Variants in DAB1 observed in about 807,000 individuals in gnomAD.
DAB1 encodes disabled homolog 1.
A neutral mutation model predicts 64.6 loss-of-function variants in DAB1; 15 were observed. The ratio of observed to expected loss-of-function variants is 0.23; its 90% CI spans 0.16 to 0.36. DAB1 has a LOEUF of 0.36. Ranked by LOEUF, DAB1 falls within the 10% of genes least tolerant of loss-of-function variation. DAB1 has a pLI of 1.00. For missense variants in DAB1, 596 were observed against 706.7 expected (o/e 0.84, Z 1.78); for synonymous variants, 235 against 251.9 (o/e 0.93, Z 0.64).
chr1:57,615,053 G>A (rs917950043), intron 7 of DAB1, among the ~76,000 whole-genome samples: 10 of 151,444 alleles, frequency 6.6e-5, no homozygotes, highest in Non-Finnish European at 1.0e-4. Flanking sequence ...TGTATTTTTA[G>A]TAGAGACAGG....
intron 7 of DAB1, among the ~76,000 whole-genome samples, chr1:57,629,853 T>C (rs1316185461): frequency 6.6e-6 from 1 of 151,564 alleles, no homozygotes; most frequent in Admixed American, 6.6e-5. Flanking sequence ...GTTTTTTTTT[T>C]CCCCCTTAAA....
chr1:57,020,304 C>T (rs1646572051), intron 11 of DAB1, among the ~76,000 whole-genome samples: 1 of 152,218 alleles, frequency 6.6e-6, no homozygotes. Context: ...ATGTAGCAAA[C>T]ATCTGTTGAG....
At chr1:57,177,500 C>T (rs1333912435) in intron 2 of DAB1, among the ~76,000 whole-genome samples, 1 of 152,122 alleles carries the variant, frequency 6.6e-6, no homozygotes, top group East Asian at 1.9e-4. Context: ...AGGTAGTAGA[C>T]ATCCAGGCAC....
rs115938618 is a variant in DAB1 at position 57,572,285 on chromosome 1, G to T, written n.625+77307C>A. ...CCGCCCCACTACTGACTAGCTGTGG[G>T]ATCTTGAGCATGTCATTAACCATGG... On this transcript the variant is annotated intron_variant and non_coding_transcript_variant, in intron 7 of 20. Transcript: ENST00000485760. Among the ~76,000 whole-genome samples, 988 of 152,260 alleles carry T rather than the reference G, an allele frequency of 6.5e-3. 14 individuals carry two copies. The highest frequency in any genetic ancestry group is 0.023 in the African/African-American group (948 of 41,550).
intron 6 of DAB1, among the ~76,000 whole-genome samples, chr1:57,673,946 C>T (rs946339778): frequency 6.6e-6 from 1 of 152,096 alleles, no homozygotes; most frequent in African/African-American, 2.4e-5. Flanking sequence ...AAATAGAAAC[C>T]TGCATGGAGA....
chr1:57,257,672 G>A (rs567681865), intron 2 of DAB1, among the ~76,000 whole-genome samples: 32 of 152,124 alleles, frequency 2.1e-4, no homozygotes, highest in Non-Finnish European at 4.0e-4. Context: ...TCAAGGTTTT[G>A]GAGGCCAGGA....
At chr1:57,830,090 G>C (rs1397896752) in intron 1 of DAB1, among the ~76,000 whole-genome samples, 1 of 152,170 alleles carries the variant, frequency 6.6e-6, no homozygotes, top group East Asian at 1.9e-4. Context: ...TGAGGAAACT[G>C]AGGCTAGGGA....
Position 57,291,345 on chromosome 1 carries a change from A to T in DAB1, c.-136-179T>A, listed in dbSNP as rs595568. 0.4 allele frequency among the ~76,000 whole-genome samples: 60,370 copies of T among 152,100 alleles called. 12,444 individuals carry two copies. Among genetic ancestry groups the T allele is most frequent in the Admixed American group, 0.56 (8,564 of 15,266 alleles). On this transcript the variant is annotated intron_variant, in intron 1 of 14. Transcript: ENST00000371236. The stretch of plus-strand genomic sequence containing the variant: ...ATACAGCAAAGGGAATGAGAGGCTT[A>T]GCGGCAAAACTGCTTCTCAAACTAG...
chr1:58,340,284 G>C (rs1211992347), intron 4 of DAB1, among the ~76,000 whole-genome samples: 2 of 152,132 alleles, frequency 1.3e-5, no homozygotes, highest in African/African-American at 4.8e-5. Flanking sequence ...AGGTGCTAAA[G>C]ACATCTGTCC....
At chr1:57,083,805 T>C (rs1486320437) in intron 4 of DAB1, among the ~76,000 whole-genome samples, 1 of 152,136 alleles carries the variant, frequency 6.6e-6, no homozygotes, top group Non-Finnish European at 1.5e-5. Flanking sequence ...TAAGGCATGA[T>C]TTGGAGTAGA....
At chr1:58,541,783 G>A (rs1646625647) in intron 1 of DAB1, among the ~76,000 whole-genome samples, 1 of 152,022 alleles carries the variant, frequency 6.6e-6, no homozygotes, top group Admixed American at 6.6e-5. Flanking sequence ...CTTGCTGAAG[G>A]ATCTGTTCAT....
intron 2 of DAB1, among the ~76,000 whole-genome samples, chr1:57,271,513 A>C (rs1017476096): frequency 6.6e-5 from 10 of 152,200 alleles, no homozygotes; most frequent in Non-Finnish European, 1.5e-4. Flanking sequence ...TGCGACAGGC[A>C]TCGGGTTCCA....
At chr1:58,136,287 G>T (rs1421564769) in intron 5 of DAB1, among the ~76,000 whole-genome samples, 1 of 152,106 alleles carries the variant, frequency 6.6e-6, no homozygotes, top group African/African-American at 2.4e-5. Flanking sequence ...ATTTTCTAAT[G>T]CTTCAAGTGG....
chr1:57,321,955 T>A (rs905547382), intron 1 of DAB1, among the ~76,000 whole-genome samples: 3 of 152,106 alleles, frequency 2.0e-5, no homozygotes, highest in Admixed American at 6.5e-5. Context: ...GCTCTCACCA[T>A]CTCCCCAGGC....
chr1:58,178,557 T>C (rs1656612205), intron 4 of DAB1, among the ~76,000 whole-genome samples: 1 of 152,184 alleles, frequency 6.6e-6, no homozygotes, highest in Non-Finnish European at 1.5e-5. Context: ...CAACAAAGGA[T>C]GGGGACTGGT....
At position 58,413,005 on chromosome 1, in the gene DAB1, G is replaced by A. The variant is rs141684985; in HGVS notation, n.258-69602C>T. On this transcript the variant is annotated intron_variant and non_coding_transcript_variant, in intron 3 of 20. Transcript: ENST00000485760. ...CACTGATCAAGGGGTAAGGAGTCCC[G>A]AATTTCTGGGTTAAAGACATCTCTG... Among the ~76,000 whole-genome samples, 47 of 152,288 alleles carry A rather than the reference G, an allele frequency of 3.1e-4. No individual in the cohort carries two copies. The East Asian group carries it at 7.0e-3, about 23-fold the overall frequency.
intron 5 of DAB1, among the ~76,000 whole-genome samples, chr1:57,951,266 T>C (rs1645270038): frequency 7.2e-6 from 1 of 138,860 alleles, no homozygotes; most frequent in African/African-American, 2.7e-5. Context: ...GTGAGGGGGG[T>C]AGTCTTTTGT....
At chr1:57,637,946 T>C (rs1269196073) in intron 7 of DAB1, among the ~76,000 whole-genome samples, 2 of 152,218 alleles carry the variant, frequency 1.3e-5, no homozygotes, top group Non-Finnish European at 2.9e-5. Flanking sequence ...TGGAATATTA[T>C]TCAGTTGTTT....
chr1:58,248,597 C>T (rs1660661855), intron 4 of DAB1, among the ~76,000 whole-genome samples: 1 of 152,046 alleles, frequency 6.6e-6, no homozygotes, highest in South Asian at 2.1e-4. Context: ...ATAGAAGAAG[C>T]TTAAAATAGA....
Sources: gnomAD v4.1 joint callset for allele counts (sites outside exome capture counted in the v4.1 genomes callset) on GRCh38, gnomAD v4.1.1 for gene constraint, MANE v1.5 for transcripts, NCBI Gene and HGNC (gene_info 2026-07-23, HGNC 2026-07-21) for gene names.